Variants in L3MBTL3 observed in about 807,000 individuals in gnomAD.
The protein encoded by L3MBTL3 is lethal(3)malignant brain tumor-like protein 3.
L3MBTL3 carries 27 observed loss-of-function variants against 102.3 expected under a neutral mutation model. The ratio of observed to expected loss-of-function variants is 0.26; its 90% CI spans 0.19 to 0.36. L3MBTL3 has a LOEUF of 0.36. Ranked by LOEUF, L3MBTL3 falls within the 10% of genes least tolerant of loss-of-function variation. L3MBTL3 has a pLI of 1.00. For synonymous variants in L3MBTL3, 340 were observed against 320.9 expected (o/e 1.06, Z -0.64); for missense variants, 798 against 955.3 (o/e 0.84, Z 2.17).
chr6:130,109,927 T>A (rs2115401221), intron 19 of L3MBTL3, among the ~76,000 whole-genome samples: 1 of 152,318 alleles, frequency 6.6e-6, no homozygotes, highest in East Asian at 1.9e-4. Context: ...GCTAGCCAGT[T>A]TTCCCAGCAC....
At chr6:130,046,780 A>C (rs1358245244) in intron 3 of L3MBTL3, among the ~76,000 whole-genome samples, 1 of 152,250 alleles carries the variant, frequency 6.6e-6, no homozygotes, top group African/African-American at 2.4e-5. Flanking sequence ...AACAAAGGTG[A>C]AATTTCCATC....
At chr6:130,090,318 A>G (rs968595396) in intron 16 of L3MBTL3, among the ~76,000 whole-genome samples, 24 of 152,206 alleles carry the variant, frequency 1.6e-4, no homozygotes, top group Non-Finnish European at 5.9e-5. Flanking sequence ...TCTAATACAA[A>G]CAATGAGTTA....
intron 8 of L3MBTL3, among the ~76,000 whole-genome samples, chr6:130,056,238 T>C (rs569612106): frequency 6.6e-6 from 1 of 152,234 alleles, no homozygotes; most frequent in East Asian, 1.9e-4. Flanking sequence ...CTTTTTTTTG[T>C]TTGTTTCATT....
chr6:130,081,152 A>G (rs890715582), intron 14 of L3MBTL3, among the ~76,000 whole-genome samples: 3 of 152,186 alleles, frequency 2.0e-5, no homozygotes, highest in Non-Finnish European at 4.4e-5. Context: ...AACTATTTTT[A>G]TTTTGAATTA....
In L3MBTL3 at chr6:130,086,040, A is replaced by C. The variant is rs559386112; in HGVS notation, c.1408-100A>C. ...AGTGCTGGGATTACAGGTGTGAGCCACCGCGCCTGGCCAGCTTTTTCTTCT... is the reference window on the plus strand; with the variant it reads ...AGTGCTGGGATTACAGGTGTGAGCCCCCGCGCCTGGCCAGCTTTTTCTTCT... On this transcript the variant is annotated intron_variant, in intron 15 of 22. Transcript: ENST00000361794. 4 of 789,062 alleles carry C rather than the reference A, an allele frequency of 5.1e-6. No individual in the cohort carries two copies. In the East Asian group the frequency reaches 1.0e-4, roughly 21 times the overall value. The allele number at this position is 789,062 out of a possible 1,614,324, so 48.9% of individuals were successfully genotyped here.
intron 1 of L3MBTL3, among the ~76,000 whole-genome samples, chr6:130,021,289 C>T (rs780424501): frequency 4.6e-5 from 7 of 152,138 alleles, no homozygotes; most frequent in Non-Finnish European, 7.3e-5. Context: ...CTCGTAGCTA[C>T]GTAGTCCGTT....
intron 18 of L3MBTL3, among the ~76,000 whole-genome samples, chr6:130,102,826 C>T (rs542304014): frequency 3.0e-4 from 45 of 152,356 alleles, no homozygotes; most frequent in African/African-American, 1.1e-3. Context: ...TCCTCACACC[C>T]TCTTTTATAT....
rs1276817688 is a variant in L3MBTL3, at chr6:130,060,074, T to G, written c.798T>G (p.Val266=). ...CATATAACAAAAATGGATTCAAAGT[T>G]GGCATGAAATTAGAAGGCGTGGATC... ...SFPYNKNGFK[V]GMKLEGVDPE... Residue 266 remains valine, a synonymous_variant, in exon 10 of 23, where the codon GTT becomes GTG. Coordinates refer to ENST00000361794, the MANE Select transcript of L3MBTL3 (RefSeq NM_032438.4). 6.2e-7 allele frequency: 1 copy of G among 1,613,744 alleles called. No individual in the cohort carries two copies.
chr6:130,058,828 A>T (rs7761063), intron 9 of L3MBTL3, among the ~76,000 whole-genome samples: 1 of 151,628 alleles, frequency 6.6e-6, no homozygotes, highest in Non-Finnish European at 1.5e-5. Flanking sequence ...AGTTTGCTGA[A>T]CCTTGGTTTA....
chr6:130,100,207 C>G (rs1245951670), intron 18 of L3MBTL3, among the ~76,000 whole-genome samples: 2 of 152,090 alleles, frequency 1.3e-5, no homozygotes, highest in Non-Finnish European at 2.9e-5. Flanking sequence ...TGCACTTAAT[C>G]CGAGGTCAGT....
chr6:130,058,645 G>A (rs1334248186), intron 9 of L3MBTL3, among the ~76,000 whole-genome samples: 1 of 152,152 alleles, frequency 6.6e-6, no homozygotes, highest in African/African-American at 2.4e-5. Flanking sequence ...TAAAGGGCCA[G>A]ATAGTAAATA....
intron 19 of L3MBTL3, among the ~76,000 whole-genome samples, chr6:130,109,215 T>C (rs1785194018): frequency 6.6e-6 from 1 of 152,216 alleles, no homozygotes; most frequent in African/African-American, 2.4e-5. Flanking sequence ...ACTTTGGGTA[T>C]ATATCCAGTA....
At chr6:130,107,783 T>C (rs1785078669) in intron 19 of L3MBTL3, among the ~76,000 whole-genome samples, 1 of 152,224 alleles carries the variant, frequency 6.6e-6, no homozygotes, top group Non-Finnish European at 1.5e-5. Context: ...ACTTTGGAGG[T>C]AGAAAGTTGA....
Position 130,057,492 on chromosome 6 carries a change from A to G in L3MBTL3, c.754A>G (p.Lys252Glu), listed in dbSNP as rs1475686954. Residue 252 changes from lysine (K) to glutamate (E), a missense_variant, in exon 9 of 23, where the codon AAG becomes GAG. By Grantham distance (56) the Lys-to-Glu change is moderately conservative. This residue lies in a region of L3MBTL3 where 434 missense variants were observed against 506.6 expected (regional missense o/e 0.86). Transcript: ENST00000361794. Reference protein sequence around the residue: ...KAVAVPAKLFKEHQSFPYNKN... With the variant: ...KAVAVPAKLFEEHQSFPYNKN... ...GGTGGCAGTGCCGGCGAAGCTGTTC[A>G]AGGAGGTACGGGCCCTTCTAGAGAC... 1 of 1,606,884 alleles carries G rather than the reference A, an allele frequency of 6.2e-7. No individual in the cohort carries two copies. Among genetic ancestry groups the G allele is most frequent in the Non-Finnish European group, 8.5e-7 (1 of 1,177,358 alleles).
intron 9 of L3MBTL3, among the ~76,000 whole-genome samples, chr6:130,058,905 T>G (rs1781705853): frequency 6.6e-6 from 1 of 152,194 alleles, no homozygotes; most frequent in Non-Finnish European, 1.5e-5. Context: ...TATGTAGGTG[T>G]GAACATAGCA....
chr6:130,097,720 C>T lies in L3MBTL3; in HGVS notation c.1736+3353C>T, dbSNP rs569462225. On this transcript the variant is annotated intron_variant, in intron 18 of 22. Transcript: ENST00000361794. ...CCCTTTGTCACTTCATTTATTTGGCCTACCGAGAGAGGGTAAGGAATGGGA... is the reference window on the plus strand; with the variant it reads ...CCCTTTGTCACTTCATTTATTTGGCTTACCGAGAGAGGGTAAGGAATGGGA... 5.3e-5 allele frequency among the ~76,000 whole-genome samples: 8 copies of T among 152,116 alleles called. No individual in the cohort carries two copies. In the South Asian group the frequency reaches 1.5e-3, roughly 28 times the overall value.
intron 11 of L3MBTL3, among the ~76,000 whole-genome samples, chr6:130,066,722 A>T (rs1033392859): frequency 6.6e-6 from 1 of 152,220 alleles, no homozygotes; most frequent in African/African-American, 2.4e-5. Context: ...CATTTGCATG[A>T]TACTCAACTT....
At chr6:130,029,164 T>C (rs1779544902) in intron 2 of L3MBTL3, among the ~76,000 whole-genome samples, 1 of 152,222 alleles carries the variant, frequency 6.6e-6, no homozygotes. Context: ...ATAAGCATTA[T>C]AATCAGTGTA....
At chr6:130,019,070 C>T (rs1199960092) in intron 1 of L3MBTL3, among the ~76,000 whole-genome samples, 1 of 151,784 alleles carries the variant, frequency 6.6e-6, no homozygotes, top group Non-Finnish European at 1.5e-5. Flanking sequence ...TGTGGGGGGC[C>T]GTGCGGAAGG....
Sources: gnomAD v4.1 joint callset for allele counts (sites outside exome capture counted in the v4.1 genomes callset) on GRCh38, gnomAD v4.1.1 for gene constraint, gnomAD v4.1.1 regional missense constraint, MANE v1.5 for transcripts, NCBI Gene and HGNC (gene_info 2026-07-23, HGNC 2026-07-21) for gene names.